CFAP77: variants seen among roughly 807,000 people sequenced by gnomAD.
CFAP77 encodes the protein cilia- and flagella-associated protein 77.
Under a neutral mutation model 31.1 loss-of-function variants are expected in CFAP77, and 25 were observed. The ratio of observed to expected loss-of-function variants is 0.80; its 90% CI spans 0.59 to 1.12. The LOEUF is 1.12. Ranked by LOEUF, CFAP77 falls within the 50% of genes most tolerant of loss-of-function variation. The pLI is 0.00. For missense variants in CFAP77, 377 were observed against 397.3 expected (o/e 0.95, Z 0.44); for synonymous variants, 151 against 159.9 (o/e 0.94, Z 0.42).
Position 132,557,447 on chromosome 9 carries a change from C to T in CFAP77, c.732+14400C>T, listed in dbSNP as rs569323171. Among the ~76,000 whole-genome samples the T allele has an allele frequency of 4.6e-5, 7 of 152,312 alleles. No homozygotes were observed. In the East Asian group the frequency reaches 1.4e-3, roughly 29 times the overall value. The stretch of plus-strand genomic sequence containing the variant: ...TGGGCCCAGCACAGCCAGGGATGAG[C>T]GCTGGGCAGCAGGACAGTCCCAGCC... On this transcript the variant is annotated intron_variant, in intron 5 of 5. Coordinates refer to ENST00000393216, the MANE Select transcript of CFAP77 (RefSeq NM_001282957.2).
At chr9:132,525,286 C>G (rs1427918384) in intron 3 of CFAP77, among the ~76,000 whole-genome samples, 1 of 152,154 alleles carries the variant, frequency 6.6e-6, no homozygotes, top group East Asian at 1.9e-4. Context: ...TCCTAAAGTG[C>G]TGGGATTACA....
At chr9:132,534,878 G>A (rs1407732398) in intron 3 of CFAP77, among the ~76,000 whole-genome samples, 1 of 152,204 alleles carries the variant, frequency 6.6e-6, no homozygotes. Context: ...AAATTGTCCT[G>A]TCTTTGGCAA....
intron 5 of CFAP77, among the ~76,000 whole-genome samples, chr9:132,558,578 G>A (rs554367732): frequency 4.0e-4 from 60 of 151,620 alleles, no homozygotes; most frequent in African/African-American, 1.2e-3. Context: ...GGTGGCAGGC[G>A]CCTGTAATCC....
At position 132,480,700 on chromosome 9, in the gene CFAP77, C is replaced by A. The variant is rs903642844; in HGVS notation, c.196-17995C>A. Among the ~76,000 whole-genome samples the A allele has an allele frequency of 2.6e-5, 4 of 152,138 alleles. No homozygotes were observed. Among genetic ancestry groups the A allele is most frequent in the African/African-American group, 4.8e-5 (2 of 41,444 alleles). On this transcript the variant is annotated intron_variant, in intron 1 of 5. Coordinates refer to ENST00000393216, the MANE Select transcript of CFAP77 (RefSeq NM_001282957.2). The surrounding 1 kb of genome is among the most constrained non-coding windows in gnomAD (Gnocchi z 5.8). Reference sequence around the variant, plus strand: ...GGTTTCTCACGGAGGCTACAGAGTCCGGGGGCTTCTCCAAGGTGGTGACAT... The same window carrying A: ...GGTTTCTCACGGAGGCTACAGAGTCAGGGGGCTTCTCCAAGGTGGTGACAT...
chr9:132,566,405 G>A (rs1468738590), intron 5 of CFAP77, among the ~76,000 whole-genome samples: 1 of 152,194 alleles, frequency 6.6e-6, no homozygotes, highest in East Asian at 1.9e-4. Context: ...CCTCCTCCGG[G>A]CGTTCCAAGG....
In CFAP77 at chr9:132,553,436, T is replaced by TACAA. The variant is rs369252818; in HGVS notation, c.732+10413_732+10416dup. Reference sequence around the variant, plus strand: ...GGGCAACTAAGTGAGACTCTGTCTCTACAAACAAACAAACAAACAAACAAA... The same window carrying TACAA: ...GGGCAACTAAGTGAGACTCTGTCTCTACAAACAAACAAACAAACAAACAAACAAA... On this transcript the variant is annotated intron_variant, in intron 5 of 5. Transcript: ENST00000393216. Among the ~76,000 whole-genome samples the TACAA allele has an allele frequency of 2.3e-3, 356 of 152,250 alleles. 2 individuals are homozygous for TACAA. The highest frequency in any genetic ancestry group is 6.7e-3 in the Admixed American group (102 of 15,286).
intron 1 of CFAP77, among the ~76,000 whole-genome samples, chr9:132,494,367 C>T (rs580552): frequency 0.2 from 30,193 of 152,092 alleles, 3,633 homozygotes; most frequent in African/African-American, 0.33. Flanking sequence ...CAAACCATGA[C>T]GACCAAAAAT....
intron 3 of CFAP77, among the ~76,000 whole-genome samples, chr9:132,514,052 CGTCTTGTG>C (rs141207938): frequency 1.6e-4 from 23 of 144,184 alleles, no homozygotes; most frequent in South Asian, 4.3e-4. Flanking sequence ...GAGATCCCCC[CGTCTTGTG>C]TCCCTGACCA....
At chr9:132,530,758 C>T (rs1852430763) in intron 3 of CFAP77, among the ~76,000 whole-genome samples, 2 of 152,136 alleles carry the variant, frequency 1.3e-5, no homozygotes, top group African/African-American at 2.4e-5. Flanking sequence ...ACAGAGCAAA[C>T]GTTTTTAATT....
chr9:132,503,764 T>C (rs1851891183), intron 3 of CFAP77, among the ~76,000 whole-genome samples: 1 of 152,066 alleles, frequency 6.6e-6, no homozygotes, highest in Admixed American at 6.6e-5. Context: ...TATTTAAAAA[T>C]AGAGCCGGGT....
intron 5 of CFAP77, among the ~76,000 whole-genome samples, chr9:132,556,165 C>G (rs1325975524): frequency 6.6e-6 from 1 of 152,150 alleles, no homozygotes; most frequent in African/African-American, 2.4e-5. Flanking sequence ...GAGACACTAC[C>G]CCAGATCTCT....
intron 5 of CFAP77, among the ~76,000 whole-genome samples, chr9:132,563,405 G>A (rs1283436529): frequency 6.6e-6 from 1 of 152,226 alleles, no homozygotes; most frequent in African/African-American, 2.4e-5. Flanking sequence ...AGAGCTGCAT[G>A]TGGCTGGGGG....
At chr9:132,547,962 C>T (rs886914946) in intron 5 of CFAP77, among the ~76,000 whole-genome samples, 4 of 152,312 alleles carry the variant, frequency 2.6e-5, no homozygotes, top group Non-Finnish European at 5.9e-5. Flanking sequence ...TGCACAGCCA[C>T]ACAAAGCAGA....
intron 1 of CFAP77, among the ~76,000 whole-genome samples, chr9:132,414,904 G>A (rs2131674000): frequency 6.6e-6 from 1 of 152,262 alleles, no homozygotes; most frequent in Middle Eastern, 3.4e-3. Context: ...CCCACTAATA[G>A]CTTAACATCT....
chr9:132,482,942 T>TA (rs1427587477), intron 1 of CFAP77, among the ~76,000 whole-genome samples: 2 of 137,508 alleles, frequency 1.5e-5, no homozygotes, highest in South Asian at 4.5e-4. Flanking sequence ...CCCTAAAACT[T>TA]AAAGTATAAT....
rs374197369 is a variant in CFAP77 at position 132,542,916 on chromosome 9, A to G, written c.631-30A>G. 1.5e-4 allele frequency: 241 copies of G among 1,569,008 alleles called. 1 individual carries two copies. In the South Asian group the frequency reaches 2.2e-3, roughly 14 times the overall value. On this transcript the variant is annotated intron_variant, in intron 4 of 5. Coordinates refer to ENST00000393216, the MANE Select transcript of CFAP77 (RefSeq NM_001282957.2). ...GCCTTCTCCAAGTAGCCGGGCAACC[A>G]TCTCACCTTTGCCTTTCCCTGGCCT...
intron 5 of CFAP77, among the ~76,000 whole-genome samples, chr9:132,566,808 T>C (rs1197502295): frequency 6.6e-6 from 1 of 152,190 alleles, no homozygotes; most frequent in Non-Finnish European, 1.5e-5. Context: ...GTTTCCCTCC[T>C]GTTCTCTCCC....
chr9:132,430,568 A>C (rs898516239), intron 1 of CFAP77, among the ~76,000 whole-genome samples: 11 of 152,210 alleles, frequency 7.2e-5, no homozygotes, highest in Admixed American at 5.2e-4. Context: ...TGCGATCTGA[A>C]GAAAAGCCCT....
At chr9:132,493,056 G>A (rs562847398) in intron 1 of CFAP77, among the ~76,000 whole-genome samples, 32 of 152,214 alleles carry the variant, frequency 2.1e-4, no homozygotes, top group South Asian at 2.1e-3. Context: ...ACAAAGCCCC[G>A]TGGGTGGCCT....
Sources: gnomAD v4.1 joint callset for allele counts (sites outside exome capture counted in the v4.1 genomes callset) on GRCh38, gnomAD v4.1.1 for gene constraint, Gnocchi (gnomAD v3.1) non-coding constraint, MANE v1.5 for transcripts, NCBI Gene and HGNC (gene_info 2026-07-23, HGNC 2026-07-21) for gene names.